Variants in SOBP observed in about 807,000 individuals in gnomAD.
SOBP encodes sine oculis binding protein homolog, also known as sine oculis-binding protein homolog.
SOBP carries 4 observed loss-of-function variants against 53.6 expected under a neutral mutation model. The observed-to-expected ratio is 0.07, with a 90% CI of 0.04 to 0.17. The LOEUF (loss-of-function observed/expected upper bound fraction) is 0.17, where lower values mean the gene tolerates loss of function less well. SOBP is among the 10% of genes least tolerant of loss of function. SOBP has a pLI of 1.00. For synonymous variants in SOBP, 584 were observed against 522.6 expected, an observed-to-expected ratio of 1.12 and a Z score of -1.60; for missense variants, 1,088 against 1,204.7, an observed-to-expected ratio of 0.90 and a Z score of 1.43.
chr6:107,649,873 G>A lies in SOBP; in HGVS notation c.*4-8334G>A, dbSNP rs150433699. On this transcript the variant is annotated intron_variant, in intron 6 of 6. Transcript: ENST00000317357. ...AAGTGAGTGCACAAGAAGGGGCTCC[G>A]TAGTTCTGGGTTCTTCGCCCCTCAG... is the stretch of plus-strand genomic sequence containing the variant. Among the ~76,000 whole-genome samples the A allele has an allele frequency of 2.6e-3, 400 of 152,238 alleles. 1 individual carries two copies. The highest frequency in any genetic ancestry group is 7.6e-3 in the African/African-American group (317 of 41,552).
Position 107,564,158 on chromosome 6 carries a change from G to A in SOBP, c.574-22922G>A, listed in dbSNP as rs142601789. Among the ~76,000 whole-genome samples the A allele has an allele frequency of 2.8e-4, 43 of 152,282 alleles. 1 individual carries two copies. Among genetic ancestry groups the A allele is most frequent in the African/African-American group, 1.0e-3 (42 of 41,552 alleles). ...CGCGCGTTTCCCTATAAAGGAAGAC[G>A]TATCCATATTGTGAGCTGTAGGCTG... On this transcript the variant is annotated intron_variant, in intron 4 of 6. Coordinates refer to ENST00000317357, the MANE Select transcript of SOBP (RefSeq NM_018013.4).
chr6:107,638,094 C>T (rs1415489182), intron 6 of SOBP, among the ~76,000 whole-genome samples: 1 of 152,238 alleles, frequency 6.6e-6, no homozygotes, highest in Non-Finnish European at 1.5e-5. Context: ...CTCTCCTCCA[C>T]TAAATCACAT....
intron 5 of SOBP, among the ~76,000 whole-genome samples, chr6:107,597,712 A>G (rs1331664929): frequency 6.6e-6 from 1 of 152,152 alleles, no homozygotes; most frequent in Non-Finnish European, 1.5e-5. Flanking sequence ...ATTTTTAAAC[A>G]ATGTTCTGAC....
chr6:107,553,794 G>A (rs945179278), intron 4 of SOBP, among the ~76,000 whole-genome samples: 1 of 152,010 alleles, frequency 6.6e-6, no homozygotes, highest in Non-Finnish European at 1.5e-5. Context: ...CCAATTTTTT[G>A]TACTTTTAGT....
intron 5 of SOBP, among the ~76,000 whole-genome samples, chr6:107,616,082 GGT>G (rs1491588848): frequency 3.2e-4 from 33 of 102,094 alleles, no homozygotes; most frequent in African/African-American, 1.5e-3. Flanking sequence ...GAGGAAGGGG[GGT>G]GGGGGGGGGG....
In SOBP at chr6:107,490,535, C is replaced by G. The variant is rs1782550420; in HGVS notation, c.-82C>G. On this transcript the variant is annotated 5_prime_UTR_variant, in exon 1 of 7. Coordinates refer to ENST00000317357, the MANE Select transcript of SOBP (RefSeq NM_018013.4). Reference sequence around the variant, plus strand: ...CCAGCCTCGCCACCATCAGCACCACCTCCACCGCCGCCGCCGCCGCCACCA... The same window carrying G: ...CCAGCCTCGCCACCATCAGCACCACGTCCACCGCCGCCGCCGCCGCCACCA... 2 of 1,019,012 alleles carry G rather than the reference C, an allele frequency of 2.0e-6. No individual in the cohort carries two copies. Among genetic ancestry groups the G allele is most frequent in the East Asian group, 2.7e-5 (1 of 37,732 alleles). The allele number at this position is 1,019,012 out of a possible 1,614,324, so 63.1% of individuals were successfully genotyped here.
At chr6:107,605,698 C>A (rs368615373) in intron 5 of SOBP, among the ~76,000 whole-genome samples, 6 of 152,222 alleles carry the variant, frequency 3.9e-5, no homozygotes, top group African/African-American at 1.4e-4. Flanking sequence ...GTTCAAAATT[C>A]ACGAAATACA....
chr6:107,501,046 G>A (rs1256097145), intron 1 of SOBP, among the ~76,000 whole-genome samples: 1 of 151,958 alleles, frequency 6.6e-6, no homozygotes, highest in Admixed American at 6.6e-5. Context: ...AAAACATTAA[G>A]GTGTTTATTT....
At chr6:107,517,771 A>G (rs1353429308) in intron 3 of SOBP, among the ~76,000 whole-genome samples, 1 of 152,236 alleles carries the variant, frequency 6.6e-6, no homozygotes, top group East Asian at 1.9e-4. Context: ...CTTCTAGAGA[A>G]TGCCTAGGGG....
At chr6:107,534,583 T>C (rs1783934925) in intron 4 of SOBP, among the ~76,000 whole-genome samples, 1 of 152,246 alleles carries the variant, frequency 6.6e-6, no homozygotes, top group Non-Finnish European at 1.5e-5. Context: ...AATCCTGAAA[T>C]GCTAATTATG....
At chr6:107,599,091 CT>C (rs1405263403) in intron 5 of SOBP, among the ~76,000 whole-genome samples, 1 of 152,026 alleles carries the variant, frequency 6.6e-6, no homozygotes, top group Non-Finnish European at 1.5e-5. Flanking sequence ...CCCCTTCCCC[CT>C]GAAAATAGCA....
intron 5 of SOBP, among the ~76,000 whole-genome samples, chr6:107,625,009 TG>T (rs1770392698): frequency 2.0e-5 from 3 of 152,236 alleles, no homozygotes; most frequent in African/African-American, 7.2e-5. Flanking sequence ...AATCTGGATC[TG>T]CCATCTATTA....
chr6:107,561,553 T>C (rs1401886186), intron 4 of SOBP, among the ~76,000 whole-genome samples: 2 of 152,154 alleles, frequency 1.3e-5, no homozygotes, highest in South Asian at 2.1e-4. Context: ...GGCTGGGCCA[T>C]TTCTCTGGGA....
intron 4 of SOBP, among the ~76,000 whole-genome samples, chr6:107,573,072 A>G (rs1785121983): frequency 6.6e-6 from 1 of 152,210 alleles, no homozygotes; most frequent in African/African-American, 2.4e-5. Flanking sequence ...GAAACAAAAC[A>G]ATGCCTTTTT....
intron 4 of SOBP, among the ~76,000 whole-genome samples, chr6:107,564,522 C>T (rs550170179): frequency 9.2e-5 from 14 of 152,228 alleles, no homozygotes; most frequent in African/African-American, 3.4e-4. Context: ...AATTTTCTTC[C>T]AGAATTCTGT....
intron 5 of SOBP, among the ~76,000 whole-genome samples, chr6:107,607,097 A>G (rs1786412864): frequency 6.6e-6 from 1 of 152,176 alleles, no homozygotes; most frequent in Non-Finnish European, 1.5e-5. Context: ...GGGTGATGTT[A>G]TTGATATGGC....
chr6:107,582,801 G>A (rs991802977), intron 4 of SOBP, among the ~76,000 whole-genome samples: 5 of 152,276 alleles, frequency 3.3e-5, no homozygotes, highest in East Asian at 1.9e-4. Flanking sequence ...AAAGTCAGAC[G>A]TGAACACAAT....
intron 5 of SOBP, among the ~76,000 whole-genome samples, chr6:107,601,154 G>T (rs1256314250): frequency 6.6e-6 from 1 of 152,194 alleles, no homozygotes; most frequent in Non-Finnish European, 1.5e-5. Flanking sequence ...GAATGCGGCA[G>T]CATTGGCTCA....
intron 6 of SOBP, among the ~76,000 whole-genome samples, chr6:107,651,613 G>A (rs575478678): frequency 6.6e-6 from 1 of 152,352 alleles, no homozygotes; most frequent in Non-Finnish European, 1.5e-5. Context: ...TAAGATCATT[G>A]ATGAAGGTGA....
Sources: gnomAD v4.1 joint callset for allele counts (sites outside exome capture counted in the v4.1 genomes callset) on GRCh38, gnomAD v4.1.1 for gene constraint, MANE v1.5 for transcripts, NCBI Gene and HGNC (gene_info 2026-07-23, HGNC 2026-07-21) for gene names.